Variants in DOCK10 observed in about 807,000 individuals in gnomAD.
DOCK10 encodes dedicator of cytokinesis 10.
DOCK10 carries 145 observed loss-of-function variants against 280.1 expected under a neutral mutation model. That is an observed-to-expected ratio of 0.52 (90% CI 0.45 to 0.59). The LOEUF (loss-of-function observed/expected upper bound fraction) is 0.59. Ranked by LOEUF, DOCK10 falls within the 20% of genes least tolerant of loss-of-function variation. The pLI is 0.00. For missense variants in DOCK10, 2,368 were observed against 2,651.7 expected (o/e 0.89, Z 2.35); for synonymous variants, 915 against 942.2 (o/e 0.97, Z 0.53).
At chr2:225,011,105 A>G (rs916764406) in intron 1 of DOCK10, among the ~76,000 whole-genome samples, 5 of 152,262 alleles carry the variant, frequency 3.3e-5, no homozygotes, top group Admixed American at 2.6e-4. Context: ...GATATCTATC[A>G]TAGCATATGT....
At chr2:225,010,674 G>C (rs1268906394) in intron 1 of DOCK10, 1 of 154,062 alleles carries the variant, frequency 6.5e-6, no homozygotes, top group Non-Finnish European at 1.5e-5. Context: ...CAATTTTGGG[G>C]GTTAACATTA....
In DOCK10 at chr2:224,841,850, T is replaced by G. The variant is rs1475562391; in HGVS notation, c.2615A>C (p.Lys872Thr). The G allele has an allele frequency of 6.2e-7, 1 of 1,613,710 alleles. No homozygotes were observed. Residue 872 changes from lysine (K) to threonine (T), a missense_variant, in exon 23 of 56, where the codon AAA (lysine) becomes ACA (threonine). By Grantham distance (78) the Lys-to-Thr change is moderately conservative (BLOSUM62 -1). Coordinates refer to ENST00000258390, the MANE Select transcript of DOCK10 (RefSeq NM_014689.3). ...AFFQECQKREKDMSQSPTSNF... is the reference protein window; with the variant it reads ...AFFQECQKRETDMSQSPTSNF... Reference sequence around the variant, plus strand: ...TGAGGTAGGTGACTGAGACATATCTTTCTCTCTTTTTTGGCACTCTTGGAA... The same window carrying G: ...TGAGGTAGGTGACTGAGACATATCTGTCTCTCTTTTTTGGCACTCTTGGAA...
intron 1 of DOCK10, among the ~76,000 whole-genome samples, chr2:224,940,652 A>G (rs547552097): frequency 1.3e-5 from 2 of 152,252 alleles, no homozygotes; most frequent in South Asian, 4.2e-4. Flanking sequence ...CCTGATCTCT[A>G]ATTTTCCATT....
At chr2:224,858,836 T>C (rs1055020430) in intron 14 of DOCK10, among the ~76,000 whole-genome samples, 2 of 152,184 alleles carry the variant, frequency 1.3e-5, no homozygotes, top group Admixed American at 6.5e-5. Context: ...TCATGAAATA[T>C]GGCCCAGCCA....
rs998694442 is a variant in DOCK10, at chr2:224,807,925, G to A, written c.3571C>T (p.Arg1191Ter). The A allele has an allele frequency of 3.1e-6, 5 of 1,612,020 alleles. No individual in the cohort carries two copies. Among genetic ancestry groups the A allele is most frequent in the African/African-American group, 1.3e-5 (1 of 74,866 alleles). ...NLMAKHSFDD[R>*]YREPRKQAQI... ...AGATCACTTACTGGCTCTCTGTATC[G>A]ATCATCAAATGAATGCTTAGCCATT... The change falls in exon 32 of 56, where the codon CGA becomes TGA. Residue 1191 changes from arginine (R) to a stop codon, truncating the protein, a stop_gained. Transcript: ENST00000258390. LOFTEE classifies it high-confidence loss of function.
Position 224,778,233 on chromosome 2 carries a change from G to T in DOCK10, c.5707C>A (p.Leu1903Met). ...GKEYIYKEPK[L>M]TGLSEISQRL... Reference sequence around the variant, plus strand: ...TGGGAAATCTCGGACAGACCTGTCAGCTTAGGCTCTTTATAAATATACTCT... The same window carrying T: ...TGGGAAATCTCGGACAGACCTGTCATCTTAGGCTCTTTATAAATATACTCT... Residue 1903 changes from leucine (L) to methionine (M), a missense_variant, in exon 51 of 56, where the codon CTG becomes ATG. Leu to Met is a conservative substitution (Grantham distance 15, BLOSUM62 2). This residue lies in a region of DOCK10 where 1,159 missense variants were observed against 1,400.8 expected (regional missense o/e 0.83). Coordinates refer to ENST00000258390, the MANE Select transcript of DOCK10 (RefSeq NM_014689.3). The T allele has an allele frequency of 6.2e-7, 1 of 1,610,808 alleles. No individual in the cohort carries two copies. Among genetic ancestry groups the T allele is most frequent in the South Asian group, 1.1e-5 (1 of 90,566 alleles).
chr2:224,831,868 T>C (rs1377072968), intron 26 of DOCK10, among the ~76,000 whole-genome samples: 1 of 152,126 alleles, frequency 6.6e-6, no homozygotes, highest in East Asian at 1.9e-4. Context: ...AATCCACCTA[T>C]AGGACCTTGA....
intron 24 of DOCK10, 61 bp downstream of exon 24, chr2:224,839,893 T>A (rs1282050000): frequency 2.9e-6 from 2 of 689,314 alleles, no homozygotes; most frequent in African/African-American, 3.6e-5. Context: ...TTAGTTATAA[T>A]TAAGAGTTTA....
At chr2:224,837,238 A>G (rs1186754847) in intron 25 of DOCK10, among the ~76,000 whole-genome samples, 4 of 152,244 alleles carry the variant, frequency 2.6e-5, no homozygotes, top group Non-Finnish European at 4.4e-5. Context: ...TTGACGTAGG[A>G]CACTGGAAGA....
In DOCK10 at chr2:224,874,798, C is replaced by G. The variant is rs774765594; in HGVS notation, c.932-47G>C. 4.6e-6 allele frequency: 7 copies of G among 1,533,516 alleles called. No homozygotes were observed. The South Asian group carries it at 6.7e-5, about 15-fold the overall frequency. 95.0% of individuals were successfully genotyped at this position (1,533,516 alleles called of 1,614,324 possible). A position where few individuals can be genotyped will look rare whatever the true frequency, so the allele number is the denominator to read the frequency against. ...AGGTTATTAAATATTACTCACGAGTCACACATTCTTCTAGCCTGTGACATG... is the reference window on the plus strand; with the variant it reads ...AGGTTATTAAATATTACTCACGAGTGACACATTCTTCTAGCCTGTGACATG... On this transcript the variant is annotated intron_variant, in intron 8 of 55. Transcript: ENST00000258390.
At position 224,790,270 on chromosome 2, in the gene DOCK10, G is replaced by A. The variant is rs538777439; in HGVS notation, c.5312-1100C>T. On this transcript the variant is annotated intron_variant, in intron 47 of 55. Transcript: ENST00000258390. ...ATGTGAGTGACTAGGAGCACTAGCC[G>A]GAGTGACAGACCAGCCCCTGCACTT... 8.5e-5 allele frequency among the ~76,000 whole-genome samples: 13 copies of A among 152,300 alleles called. No individual in the cohort carries two copies. In the South Asian group the frequency reaches 1.0e-3, roughly 12 times the overall value.
chr2:224,776,811 T>C (rs1690897247), intron 51 of DOCK10, among the ~76,000 whole-genome samples: 1 of 152,218 alleles, frequency 6.6e-6, no homozygotes, highest in Non-Finnish European at 1.5e-5. Context: ...GTGCTGGGCT[T>C]CTCAGCATGC....
In DOCK10 at chr2:224,841,992, T is replaced by C. The variant is rs534777160; in HGVS notation, c.2569-96A>G. On this transcript the variant is annotated intron_variant, in intron 22 of 55. Transcript: ENST00000258390. ...ATGTGAGGTAAGCATTTCTGTAGGATTGATGCCTCGAAGTGCAAATGCTTT... is the reference window on the plus strand; with the variant it reads ...ATGTGAGGTAAGCATTTCTGTAGGACTGATGCCTCGAAGTGCAAATGCTTT... 1,597 of 870,148 alleles carry C rather than the reference T, an allele frequency of 1.8e-3. 38 individuals are homozygous for C. In the South Asian group the frequency reaches 0.023, roughly 12 times the overall value. 53.9% of individuals were successfully genotyped at this position (870,148 alleles called of 1,614,324 possible).
chr2:224,802,851 A>G (rs1464325224), intron 39 of DOCK10, among the ~76,000 whole-genome samples: 2 of 152,094 alleles, frequency 1.3e-5, no homozygotes, highest in African/African-American at 2.4e-5. Flanking sequence ...TTAGGCCTTT[A>G]CCTAAAAATG....
intron 29 of DOCK10, 58 bp downstream of exon 29, chr2:224,819,388 T>G: frequency 8.3e-7 from 1 of 1,201,372 alleles, no homozygotes; most frequent in Non-Finnish European, 1.2e-6. Flanking sequence ...CAGAGACTAC[T>G]TTATTTATTT....
At chr2:224,846,469 G>T (rs994863415) in intron 19 of DOCK10, among the ~76,000 whole-genome samples, 1 of 150,008 alleles carries the variant, frequency 6.7e-6, no homozygotes, top group Non-Finnish European at 1.5e-5. Context: ...GCAGTGGTAC[G>T]AACACAGCTC....
At chr2:224,825,369 T>C (rs756755153) in intron 27 of DOCK10, among the ~76,000 whole-genome samples, 43 of 152,184 alleles carry the variant, frequency 2.8e-4, no homozygotes, top group Non-Finnish European at 5.4e-4. Context: ...TATTTAAAAT[T>C]TATTGTTGAA....
rs774242639 is a variant in DOCK10, at chr2:224,884,099, C to T, written c.747+1572G>A. On this transcript the variant is annotated intron_variant, in intron 7 of 55. Transcript: ENST00000258390. ...CACCCTCCATTAAGGTCATTATTGC[C>T]CTTTCCATATGGAAAGCTGGCATCT... Among the ~76,000 whole-genome samples the T allele has an allele frequency of 1.2e-4, 18 of 152,278 alleles. No individual in the cohort carries two copies. In the South Asian group the frequency reaches 2.5e-3, roughly 21 times the overall value.
intron 1 of DOCK10, among the ~76,000 whole-genome samples, chr2:225,016,563 A>ATCTATGTGCACATAGATACATG (rs1689598315): frequency 7.4e-6 from 1 of 134,608 alleles, no homozygotes; most frequent in African/African-American, 2.9e-5. Flanking sequence ...ATAGATACAT[A>ATCTATGTGCACATAGATACATG]TATCTATGTG....
Sources: gnomAD v4.1 joint callset for allele counts (sites outside exome capture counted in the v4.1 genomes callset) on GRCh38, gnomAD v4.1.1 for gene constraint, gnomAD v4.1.1 regional missense constraint, MANE v1.5 for transcripts, NCBI Gene and HGNC (gene_info 2026-07-23, HGNC 2026-07-21) for gene names.